Variants in CNOT10 observed in about 807,000 individuals in gnomAD.
CNOT10 encodes CCR4-NOT transcription complex, subunit 10.
A neutral mutation model predicts 94.6 loss-of-function variants in CNOT10; 30 were observed. The observed-to-expected ratio is 0.32, with a 90% CI of 0.24 to 0.43. The LOEUF is 0.43. Among genes scored for constraint, CNOT10 ranks in the 20% least tolerant of loss-of-function variants. The pLI is 1.00. For synonymous variants in CNOT10, 289 were observed against 301.6 expected, an observed-to-expected ratio of 0.96 and a Z score of 0.43; for missense variants, 759 against 877.2, an observed-to-expected ratio of 0.87 and a Z score of 1.70.
chr3:32,762,627 A>C, intron 14 of CNOT10, 106 bp from the exon 15 acceptor site: 1 of 1,143,174 alleles, frequency 8.7e-7, no homozygotes, highest in Non-Finnish European at 1.2e-6. Flanking sequence ...ATGAAATATG[A>C]GACCTATATC....
chr3:32,743,526 C>G (rs112792256), intron 13 of CNOT10, among the ~76,000 whole-genome samples: 5,971 of 151,996 alleles, frequency 0.039, 183 homozygotes, highest in African/African-American at 0.079. Flanking sequence ...CCCAGCTACA[C>G]GGGAGGCTGA....
At chr3:32,746,004 A>G (rs573528509) in intron 13 of CNOT10, among the ~76,000 whole-genome samples, 5 of 152,224 alleles carry the variant, frequency 3.3e-5, no homozygotes, top group African/African-American at 4.8e-5. Flanking sequence ...ACCAAAACCA[A>G]TTACTAATGC....
chr3:32,693,268 G>A (rs1254069170), intron 1 of CNOT10, among the ~76,000 whole-genome samples: 2 of 151,822 alleles, frequency 1.3e-5, no homozygotes, highest in African/African-American at 2.4e-5. Flanking sequence ...CCAGGCTGGA[G>A]TACAGGGGCA....
intron 13 of CNOT10, among the ~76,000 whole-genome samples, chr3:32,747,363 C>T (rs1699745455): frequency 6.6e-6 from 1 of 151,734 alleles, no homozygotes; most frequent in African/African-American, 2.4e-5. Flanking sequence ...GTGGAGGTTG[C>T]AGTGAGCCCA....
intron 18 of CNOT10, among the ~76,000 whole-genome samples, chr3:32,771,767 A>G (rs1331300814): frequency 6.6e-6 from 1 of 152,162 alleles, no homozygotes; most frequent in East Asian, 1.9e-4. Flanking sequence ...TCAGACACTT[A>G]ATTATAATTA....
chr3:32,707,641 T>C (rs1697684537), intron 3 of CNOT10, among the ~76,000 whole-genome samples: 1 of 151,966 alleles, frequency 6.6e-6, no homozygotes, highest in Admixed American at 6.6e-5. Context: ...CCATCTCTAC[T>C]AAAAATACAA....
chr3:32,692,398 A>G (rs1035173431), intron 1 of CNOT10, among the ~76,000 whole-genome samples: 1 of 152,166 alleles, frequency 6.6e-6, no homozygotes, highest in Non-Finnish European at 1.5e-5. Context: ...ACCCAGCTTT[A>G]TCTCCTGTAT....
Position 32,727,669 on chromosome 3 carries a change from T to C in CNOT10, c.1014T>C (p.Gly338=), listed in dbSNP as rs767937088. 6.2e-7 allele frequency: 1 copy of C among 1,600,462 alleles called. No homozygotes were observed. The highest frequency in any genetic ancestry group is 1.1e-5 in the South Asian group (1 of 90,630). The change falls in exon 10 of 19, where the codon GGT becomes GGC. Residue 338 remains glycine, a splice_region_variant and synonymous_variant. Coordinates refer to ENST00000328834, the MANE Select transcript of CNOT10 (RefSeq NM_015442.3). ...TTCTTATCTAATTTTTATCACTAGG[T>C]AAAAAATTTTCAGGAAGACCCATGT... ...AQLSAGSTDP[G]KKFSGRPMCT...
At chr3:32,694,913 T>G (rs1696986822) in intron 1 of CNOT10, among the ~76,000 whole-genome samples, 1 of 151,968 alleles carries the variant, frequency 6.6e-6, no homozygotes, top group Non-Finnish European at 1.5e-5. Flanking sequence ...TTAGTAGAGA[T>G]GGGATTTCAC....
intron 1 of CNOT10, among the ~76,000 whole-genome samples, chr3:32,692,090 G>C (rs1452770235): frequency 6.6e-6 from 1 of 151,568 alleles, no homozygotes; most frequent in Non-Finnish European, 1.5e-5. Flanking sequence ...GCCAGGCATG[G>C]TGGTTCATAC....
chr3:32,726,536 T>TA lies in CNOT10; in HGVS notation c.1012+938dup, dbSNP rs1316153294. ...AGTGAAACCCTGTCTCTACTAAAAA[T>TA]ACAAAAAAAATTAGCCGAGCATGGT... On this transcript the variant is annotated intron_variant, in intron 9 of 18. Coordinates refer to ENST00000328834, the MANE Select transcript of CNOT10 (RefSeq NM_015442.3). Among the ~76,000 whole-genome samples the TA allele has an allele frequency of 2.0e-5, 3 of 151,306 alleles. No homozygotes were observed. In the East Asian group the frequency reaches 5.9e-4, roughly 30 times the overall value.
intron 18 of CNOT10, 63 bp from the exon 19 acceptor site, chr3:32,773,394 T>A: frequency 6.7e-7 from 1 of 1,501,260 alleles, no homozygotes; most frequent in African/African-American, 1.4e-5. Context: ...GATTTTCATG[T>A]CTTGCTTTGT....
At chr3:32,700,286 T>A (rs1460727795) in intron 1 of CNOT10, among the ~76,000 whole-genome samples, 1 of 152,186 alleles carries the variant, frequency 6.6e-6, no homozygotes, top group Non-Finnish European at 1.5e-5. Flanking sequence ...TCAGTTTCTT[T>A]ATAGAAGCAT....
chr3:32,768,401 A>G (rs1040683607), intron 17 of CNOT10, among the ~76,000 whole-genome samples: 2 of 152,076 alleles, frequency 1.3e-5, no homozygotes, highest in Non-Finnish European at 2.9e-5. Context: ...GGACAACATG[A>G]TGAAACCCCG....
In CNOT10 at chr3:32,753,835, C is replaced by G; in HGVS notation, c.1596-5623C>G. ...CTGATGGTACAGTTTTGAGTACCAG[C>G]TGGTCTGATGTAGGTAAAAGGAAAG... On this transcript the variant is annotated intron_variant, in intron 13 of 18. Transcript: ENST00000328834. The G allele has an allele frequency of 1.9e-6, 3 of 1,551,192 alleles. No individual in the cohort carries two copies. In the South Asian group the frequency reaches 3.4e-5, roughly 17 times the overall value.
intron 10 of CNOT10, chr3:32,730,575 A>G (rs1007123188): frequency 5.3e-5 from 8 of 152,236 alleles, no homozygotes; most frequent in Non-Finnish European, 1.0e-4. Context: ...AACAAGCCCA[A>G]AACACTAATA....
chr3:32,705,359 T>C (rs114418585), intron 3 of CNOT10, among the ~76,000 whole-genome samples: 3 of 152,296 alleles, frequency 2.0e-5, no homozygotes, highest in Non-Finnish European at 4.4e-5. Flanking sequence ...ATAGAAGATA[T>C]TCTGCTTTGT....
intron 13 of CNOT10, among the ~76,000 whole-genome samples, chr3:32,746,458 A>T (rs1268017463): frequency 6.6e-6 from 1 of 152,114 alleles, no homozygotes; most frequent in Non-Finnish European, 1.5e-5. Context: ...TGTGGGGGTG[A>T]TGGGAGACAG....
chr3:32,726,683 G>A (rs1404006410), intron 9 of CNOT10, among the ~76,000 whole-genome samples: 5 of 134,104 alleles, frequency 3.7e-5, no homozygotes, highest in Admixed American at 1.6e-4. Flanking sequence ...GTGACAGAGC[G>A]AGACTCTGTC....
Sources: gnomAD v4.1 joint callset for allele counts (sites outside exome capture counted in the v4.1 genomes callset) on GRCh38, gnomAD v4.1.1 for gene constraint, MANE v1.5 for transcripts, NCBI Gene and HGNC (gene_info 2026-07-23, HGNC 2026-07-21) for gene names.